TTC39C: variants seen among roughly 807,000 people sequenced by gnomAD.
TTC39C encodes tetratricopeptide repeat domain 39C.
A neutral mutation model predicts 76.3 loss-of-function variants in TTC39C; 33 were observed. The ratio of observed to expected loss-of-function variants is 0.43; its 90% CI spans 0.33 to 0.58. TTC39C has a LOEUF of 0.58. Among genes scored for constraint, TTC39C ranks in the 20% least tolerant of loss-of-function variants. The pLI, the probability that TTC39C is intolerant of heterozygous loss-of-function variation, is 0.04. For synonymous variants in TTC39C, 254 were observed against 260.6 expected (o/e 0.97, Z 0.24); for missense variants, 595 against 701.4 (o/e 0.85, Z 1.71).
chr18:23,997,765 A>G (rs2083281180), intron 1 of TTC39C, among the ~76,000 whole-genome samples: 1 of 151,666 alleles, frequency 6.6e-6, no homozygotes, highest in Admixed American at 6.6e-5. Flanking sequence ...AATTTCAGCT[A>G]CTCAGGAGAC....
At chr18:24,110,409 C>T (rs1163041031) in intron 6 of TTC39C, among the ~76,000 whole-genome samples, 1 of 152,108 alleles carries the variant, frequency 6.6e-6, no homozygotes, top group Non-Finnish European at 1.5e-5. Flanking sequence ...AGCCAATTAA[C>T]AAACAAATTT....
At chr18:24,100,166 T>A (rs766167528) in intron 6 of TTC39C, among the ~76,000 whole-genome samples, 14 of 152,254 alleles carry the variant, frequency 9.2e-5, no homozygotes, top group Non-Finnish European at 1.9e-4. Context: ...TTGATCACAT[T>A]CAGGGTGTTT....
chr18:24,059,360 C>T (rs943751868), intron 1 of TTC39C, among the ~76,000 whole-genome samples: 2 of 152,138 alleles, frequency 1.3e-5, no homozygotes, highest in Non-Finnish European at 2.9e-5. Flanking sequence ...TCCCCTCCCT[C>T]CTCCCACCCT....
Position 24,084,399 on chromosome 18 carries a change from C to A in TTC39C, c.984+1318C>A, listed in dbSNP as rs188164472. On this transcript the variant is annotated intron_variant, in intron 6 of 13. Coordinates refer to ENST00000317571, the MANE Select transcript of TTC39C (RefSeq NM_001135993.2). The stretch of plus-strand genomic sequence containing the variant: ...ACTTGGGAGGCTGAGACACGAGAAT[C>A]GCTTGAACCTGGGAGGCAGAGGTTG... 5.9e-5 allele frequency among the ~76,000 whole-genome samples: 9 copies of A among 152,146 alleles called. 1 individual carries two copies. The South Asian group carries it at 1.9e-3, about 32-fold the overall frequency.
intron 3 of TTC39C, among the ~76,000 whole-genome samples, chr18:24,067,676 C>T (rs2084182868): frequency 6.6e-6 from 1 of 152,216 alleles, no homozygotes; most frequent in South Asian, 2.1e-4. Context: ...CCCACCCCCT[C>T]AACCCAGTCC....
chr18:24,036,815 T>C (rs1333343931), intron 1 of TTC39C, among the ~76,000 whole-genome samples: 4 of 152,082 alleles, frequency 2.6e-5, no homozygotes, highest in Non-Finnish European at 5.9e-5. Flanking sequence ...TATATTTTTG[T>C]AGAGTTGGGG....
intron 6 of TTC39C, among the ~76,000 whole-genome samples, chr18:24,112,284 CTG>C (rs1341770185): frequency 1.3e-5 from 2 of 152,166 alleles, no homozygotes; most frequent in African/African-American, 2.4e-5. Flanking sequence ...CCAGGATAAT[CTG>C]TCTCATCTCA....
Position 24,131,879 on chromosome 18 carries a change from T to G in TTC39C, c.1624-3T>G. 6.2e-7 allele frequency: 1 copy of G among 1,611,442 alleles called. No homozygotes were observed. Among genetic ancestry groups the G allele is most frequent in the Non-Finnish European group, 8.5e-7 (1 of 1,179,304 alleles). ...TTTATGGGATAATGTGTTTTTCTTATAGACTGTAGGAAGAGGCAGAGCTCT... is the reference window on the plus strand; with the variant it reads ...TTTATGGGATAATGTGTTTTTCTTAGAGACTGTAGGAAGAGGCAGAGCTCT... On this transcript the variant is annotated splice_region_variant and splice_polypyrimidine_tract_variant and intron_variant, in intron 12 of 13. Coordinates refer to ENST00000317571, the MANE Select transcript of TTC39C (RefSeq NM_001135993.2).
chr18:24,085,737 C>T (rs2084430696), intron 6 of TTC39C, among the ~76,000 whole-genome samples: 1 of 152,146 alleles, frequency 6.6e-6, no homozygotes, highest in East Asian at 1.9e-4. Context: ...CGGCACTTAA[C>T]ACAGTTAAGT....
chr18:24,067,772 C>T (rs1038150326), intron 3 of TTC39C, among the ~76,000 whole-genome samples: 1 of 152,118 alleles, frequency 6.6e-6, no homozygotes, highest in Non-Finnish European at 1.5e-5. Context: ...ATAATATAGT[C>T]ACTAAAATGC....
intron 6 of TTC39C, among the ~76,000 whole-genome samples, chr18:24,084,605 A>G (rs1359686071): frequency 6.6e-6 from 1 of 151,896 alleles, no homozygotes; most frequent in East Asian, 1.9e-4. Flanking sequence ...TTTTCTTTGC[A>G]TACAGGCTCG....
intron 4 of TTC39C, among the ~76,000 whole-genome samples, chr18:24,078,781 TC>T (rs1273204187): frequency 2.5e-4 from 38 of 152,128 alleles, no homozygotes; most frequent in Admixed American, 1.0e-3. Flanking sequence ...AAATCAGTGT[TC>T]AATGTACATC....
intron 3 of TTC39C, among the ~76,000 whole-genome samples, chr18:24,067,463 A>T (rs2145736009): frequency 6.6e-6 from 1 of 152,318 alleles, no homozygotes; most frequent in East Asian, 1.9e-4. Context: ...ACCAAGCCAC[A>T]GGGCAGGAGG....
chr18:24,116,962 A>C (rs954912325), intron 7 of TTC39C, among the ~76,000 whole-genome samples: 1 of 151,584 alleles, frequency 6.6e-6, no homozygotes, highest in Non-Finnish European at 1.5e-5. Flanking sequence ...AGTAGCTGGA[A>C]TTACAGGCGT....
intron 6 of TTC39C, among the ~76,000 whole-genome samples, chr18:24,096,429 T>C (rs2084590982): frequency 6.6e-6 from 1 of 152,238 alleles, no homozygotes; most frequent in South Asian, 2.1e-4. Context: ...TTCAGACATA[T>C]TCACATTGTT....
At chr18:24,090,599 G>A (rs2084504192) in intron 6 of TTC39C, among the ~76,000 whole-genome samples, 1 of 151,388 alleles carries the variant, frequency 6.6e-6, no homozygotes, top group African/African-American at 2.4e-5. Context: ...TTAACAAACT[G>A]ATCCTAAACT....
At chr18:24,089,716 C>T (rs193253630) in intron 6 of TTC39C, among the ~76,000 whole-genome samples, 55 of 152,274 alleles carry the variant, frequency 3.6e-4, no homozygotes, top group African/African-American at 1.3e-3. Context: ...TGAGCTTTCC[C>T]TTGCCTACAT....
chr18:24,112,242 A>G (rs1345098304), intron 6 of TTC39C, among the ~76,000 whole-genome samples: 1 of 152,208 alleles, frequency 6.6e-6, no homozygotes, highest in Non-Finnish European at 1.5e-5. Context: ...TGAAGGATAC[A>G]TGTGATTGTA....
intron 6 of TTC39C, among the ~76,000 whole-genome samples, chr18:24,087,735 C>T (rs1426401346): frequency 6.6e-6 from 1 of 152,046 alleles, no homozygotes; most frequent in Non-Finnish European, 1.5e-5. Context: ...CAGGTGTGCA[C>T]CACCATGCCT....
Sources: allele counts gnomAD v4.1 joint callset (sites outside exome capture counted in the v4.1 genomes callset), GRCh38; gene constraint gnomAD v4.1.1; transcripts MANE v1.5; gene names NCBI Gene and HGNC (gene_info 2026-07-23, HGNC 2026-07-21).